The following PLCL1 variants were observed in gnomAD, a reference collection of about 807,000 sequenced individuals.
PLCL1 encodes inactive phospholipase C-like protein 1.
PLCL1 carries 41 observed loss-of-function variants against 84.4 expected under a neutral mutation model. The ratio of observed to expected loss-of-function variants is 0.49; its 90% CI spans 0.38 to 0.63. The LOEUF (loss-of-function observed/expected upper bound fraction) is 0.63. PLCL1 is among the 30% of genes least tolerant of loss of function. The probability of loss-of-function intolerance (pLI) is 0.00; values close to 1 mark genes in which losing one functional copy is unlikely to be tolerated. For missense variants in PLCL1, 1,206 were observed against 1,367.8 expected, an observed-to-expected ratio of 0.88 and a Z score of 1.87; for synonymous variants, 490 against 488.3, an observed-to-expected ratio of 1.00 and a Z score of -0.05.
At chr2:197,814,252 G>A (rs944502347) in intron 1 of PLCL1, among the ~76,000 whole-genome samples, 12 of 151,970 alleles carry the variant, frequency 7.9e-5, no homozygotes, top group African/African-American at 2.7e-4. Flanking sequence ...TTTTGGCATC[G>A]TGTGCTCACT....
intron 1 of PLCL1, among the ~76,000 whole-genome samples, chr2:197,939,662 C>T (rs1574959357): frequency 6.6e-6 from 1 of 151,900 alleles, no homozygotes; most frequent in African/African-American, 2.4e-5. Context: ...TTTTACATAA[C>T]CCATCTCCAA....
intron 1 of PLCL1, among the ~76,000 whole-genome samples, chr2:197,806,498 A>C (rs1328041912): frequency 1.3e-5 from 2 of 152,182 alleles, no homozygotes; most frequent in Non-Finnish European, 2.9e-5. Flanking sequence ...TTTTCCCAAC[A>C]CTGACACATG....
At chr2:198,017,855 A>G (rs547321210) in intron 1 of PLCL1, among the ~76,000 whole-genome samples, 1 of 152,322 alleles carries the variant, frequency 6.6e-6, no homozygotes, top group Non-Finnish European at 1.5e-5. Flanking sequence ...TATATATTAT[A>G]TACTGTTCTT....
intron 1 of PLCL1, among the ~76,000 whole-genome samples, chr2:197,863,138 G>A (rs1394211382): frequency 6.7e-6 from 1 of 149,386 alleles, no homozygotes; most frequent in East Asian, 1.9e-4. Flanking sequence ...ATAAGAGTTT[G>A]CACTCTCTGG....
intron 1 of PLCL1, among the ~76,000 whole-genome samples, chr2:197,936,101 C>T (rs562359055): frequency 1.9e-4 from 29 of 150,918 alleles, no homozygotes; most frequent in African/African-American, 6.8e-4. Flanking sequence ...GAGTAGTATT[C>T]TATTGTGTGT....
intron 3 of PLCL1, among the ~76,000 whole-genome samples, chr2:198,095,550 A>G (rs999739872): frequency 6.6e-6 from 1 of 152,180 alleles, no homozygotes. Flanking sequence ...ACTGCGTTAA[A>G]TGTTGTGGAA....
At chr2:198,025,268 C>G (rs1484432662) in intron 1 of PLCL1, among the ~76,000 whole-genome samples, 2 of 151,888 alleles carry the variant, frequency 1.3e-5, no homozygotes, top group East Asian at 3.9e-4. Flanking sequence ...AAAGCATAAG[C>G]AAACCCACAC....
intron 1 of PLCL1, among the ~76,000 whole-genome samples, chr2:197,859,219 C>G (rs1200341067): frequency 6.6e-6 from 1 of 152,130 alleles, no homozygotes; most frequent in Non-Finnish European, 1.5e-5. Context: ...TTAGCTTTCT[C>G]TTCTTCCTCT....
chr2:198,088,098 A>G (rs538012547), intron 2 of PLCL1, among the ~76,000 whole-genome samples: 15 of 152,362 alleles, frequency 9.8e-5, no homozygotes, highest in African/African-American at 3.6e-4. Flanking sequence ...TATTTTATAT[A>G]ATCTTGAAAT....
intron 1 of PLCL1, among the ~76,000 whole-genome samples, chr2:197,837,624 C>T (rs1691218395): frequency 6.6e-6 from 1 of 152,126 alleles, no homozygotes; most frequent in Admixed American, 6.5e-5. Context: ...TTGGGCCAGG[C>T]CTGTAGAAAG....
chr2:197,908,544 C>A (rs1030351367), intron 1 of PLCL1, among the ~76,000 whole-genome samples: 15 of 152,338 alleles, frequency 9.8e-5, no homozygotes, highest in African/African-American at 3.6e-4. Context: ...AATTTACTCT[C>A]AAGTGTTCTC....
chr2:197,881,480 CTCTGT>C (rs1687826832), intron 1 of PLCL1, among the ~76,000 whole-genome samples: 1 of 151,682 alleles, frequency 6.6e-6, no homozygotes, highest in Non-Finnish European at 1.5e-5. Flanking sequence ...CCATATACTG[CTCTGT>C]ATTGGAGCAG....
In PLCL1 at chr2:198,094,313, G is replaced by A. The variant is rs180968955; in HGVS notation, c.2919+5252G>A. Among the ~76,000 whole-genome samples the A allele has an allele frequency of 9.9e-5, 15 of 152,216 alleles. 1 individual carries two copies. The highest frequency in any genetic ancestry group is 2.0e-4 in the Admixed American group (3 of 15,292). On this transcript the variant is annotated intron_variant, in intron 3 of 5. Coordinates refer to ENST00000428675, the MANE Select transcript of PLCL1 (RefSeq NM_006226.4). ...CCTGACCTCGTGATCTGCCCGCCTT[G>A]GCCTCCCAAAGTGCTGGGATTACAG...
At chr2:197,961,722 A>G (rs534358114) in intron 1 of PLCL1, among the ~76,000 whole-genome samples, 8 of 151,854 alleles carry the variant, frequency 5.3e-5, no homozygotes, top group Admixed American at 5.3e-4. Flanking sequence ...CAAATAATAG[A>G]CTCTATGTGA....
intron 1 of PLCL1, among the ~76,000 whole-genome samples, chr2:197,991,637 C>T (rs751955489): frequency 3.9e-5 from 6 of 152,186 alleles, no homozygotes; most frequent in Non-Finnish European, 7.3e-5. Flanking sequence ...ACTGGAAGTA[C>T]AGTCTGCTTA....
chr2:198,018,049 A>T (rs577626939), intron 1 of PLCL1, among the ~76,000 whole-genome samples: 1 of 152,214 alleles, frequency 6.6e-6, no homozygotes, highest in African/African-American at 2.4e-5. Context: ...TCTCACTGGG[A>T]TTGGTTAGAC....
intron 1 of PLCL1, among the ~76,000 whole-genome samples, chr2:197,919,836 A>G (rs200038100): frequency 6.6e-6 from 1 of 152,210 alleles, no homozygotes; most frequent in East Asian, 1.9e-4. Context: ...GTTGACCTTG[A>G]AGCATGAATG....
chr2:197,986,100 G>A (rs1320417564), intron 1 of PLCL1, among the ~76,000 whole-genome samples: 1 of 152,186 alleles, frequency 6.6e-6, no homozygotes, highest in African/African-American at 2.4e-5. Flanking sequence ...TCAGCCTACA[G>A]CTATGGAAAT....
chr2:197,856,725 TG>T (rs1173322856), intron 1 of PLCL1, among the ~76,000 whole-genome samples: 1 of 152,188 alleles, frequency 6.6e-6, no homozygotes, highest in African/African-American at 2.4e-5. Flanking sequence ...TTCATTGATT[TG>T]TTTCCAAGTT....
Sources: allele counts gnomAD v4.1 joint callset (sites outside exome capture counted in the v4.1 genomes callset), GRCh38; gene constraint gnomAD v4.1.1; transcripts MANE v1.5; gene names NCBI Gene and HGNC (gene_info 2026-07-23, HGNC 2026-07-21).